NRG1: variants seen among roughly 807,000 people sequenced by gnomAD.
The protein encoded by NRG1 is neuregulin 1.
A neutral mutation model predicts 63.8 loss-of-function variants in NRG1; 18 were observed. The ratio of observed to expected loss-of-function variants is 0.28; its 90% CI spans 0.19 to 0.42. NRG1 has a LOEUF of 0.42. Among genes scored for constraint, NRG1 ranks in the 10% least tolerant of loss-of-function variants. The pLI, the probability that NRG1 is intolerant of heterozygous loss-of-function variation, is 1.00. For synonymous variants in NRG1, 302 were observed against 301.3 expected, an observed-to-expected ratio of 1.00 and a Z score of -0.02; for missense variants, 762 against 814.7, an observed-to-expected ratio of 0.94 and a Z score of 0.79.
chr8:31,893,860 C>T (rs963469540), intron 1 of NRG1, among the ~76,000 whole-genome samples: 13 of 151,982 alleles, frequency 8.6e-5, no homozygotes, highest in African/African-American at 1.2e-4. Context: ...ATCTTAAATA[C>T]TTATAAAAAT....
intron 1 of NRG1, among the ~76,000 whole-genome samples, chr8:32,387,055 T>G (rs1440011332): frequency 6.6e-6 from 1 of 152,200 alleles, no homozygotes; most frequent in Non-Finnish European, 1.5e-5. Context: ...AGAGATTCAC[T>G]AAAAGTTAGT....
intron 1 of NRG1, among the ~76,000 whole-genome samples, chr8:32,428,626 C>T (rs1480132456): frequency 6.6e-6 from 1 of 152,160 alleles, no homozygotes; most frequent in Non-Finnish European, 1.5e-5. Flanking sequence ...GCTGGTTGTC[C>T]TCCAGCAAAT....
At chr8:32,608,440 G>A (rs913639300) in intron 3 of NRG1, among the ~76,000 whole-genome samples, 2 of 152,030 alleles carry the variant, frequency 1.3e-5, no homozygotes, top group Non-Finnish European at 2.9e-5. Context: ...CTGAGTTCAA[G>A]AAGTCTACCC....
At position 32,575,531 on chromosome 8, in the gene NRG1, A is replaced by G. The variant is rs552559136; in HGVS notation, c.101-20297A>G. On this transcript the variant is annotated intron_variant, in intron 1 of 11. Coordinates refer to ENST00000356819, the Ensembl canonical transcript of NRG1. ...AAAAGTTGTATTTTAGGACTGCTCA[A>G]CTGCATGGATATTTATACTTTTTAA... 2.6e-5 allele frequency among the ~76,000 whole-genome samples: 4 copies of G among 152,210 alleles called. No individual in the cohort carries two copies. In the South Asian group the frequency reaches 8.3e-4, roughly 32 times the overall value.
At chr8:31,792,352 A>T (rs551263306) in intron 1 of NRG1, among the ~76,000 whole-genome samples, 1 of 152,332 alleles carries the variant, frequency 6.6e-6, no homozygotes, top group East Asian at 1.9e-4. Context: ...TGTTTTACAC[A>T]TGACAAAATA....
chr8:32,192,092 C>T (rs768432865), intron 1 of NRG1: 4 of 152,352 alleles, frequency 2.6e-5, no homozygotes, highest in Non-Finnish European at 5.9e-5. Flanking sequence ...CAAGTACTGA[C>T]CAGGCCTCAC....
intron 1 of NRG1, among the ~76,000 whole-genome samples, chr8:32,192,872 A>G (rs1842627453): frequency 6.6e-6 from 1 of 152,150 alleles, no homozygotes; most frequent in Admixed American, 6.6e-5. Context: ...ACACACTCCC[A>G]TACACACATC....
chr8:32,704,236 A>G (rs1291611516), intron 5 of NRG1, among the ~76,000 whole-genome samples: 1 of 152,212 alleles, frequency 6.6e-6, no homozygotes, highest in African/African-American at 2.4e-5. Context: ...TATTAAGTAA[A>G]AAGTGTGACC....
intron 1 of NRG1, among the ~76,000 whole-genome samples, chr8:32,374,485 A>C (rs1167028867): frequency 6.6e-6 from 1 of 152,198 alleles, no homozygotes; most frequent in Admixed American, 6.5e-5. Flanking sequence ...TCTGTGTCGC[A>C]CTCACTCTTG....
intron 1 of NRG1, among the ~76,000 whole-genome samples, chr8:32,202,027 AG>A (rs1843546549): frequency 6.6e-6 from 1 of 152,202 alleles, no homozygotes; most frequent in Non-Finnish European, 1.5e-5. Flanking sequence ...CATATTGATT[AG>A]CTCGTTGAGT....
intron 1 of NRG1, among the ~76,000 whole-genome samples, chr8:31,875,263 G>A (rs537255961): frequency 8.5e-5 from 13 of 152,218 alleles, no homozygotes; most frequent in African/African-American, 2.4e-4. Flanking sequence ...GCCTCAGCCC[G>A]GGCAACTGTA....
At chr8:31,986,572 T>A (rs1810106769) in intron 1 of NRG1, among the ~76,000 whole-genome samples, 1 of 152,142 alleles carries the variant, frequency 6.6e-6, no homozygotes. Flanking sequence ...TATTTCTTAG[T>A]TTCAGGGGTT....
At chr8:31,719,081 A>T (rs1261349250) in intron 1 of NRG1, among the ~76,000 whole-genome samples, 1 of 152,148 alleles carries the variant, frequency 6.6e-6, no homozygotes. Context: ...TCTCCAACTG[A>T]TCACCTGATT....
At chr8:32,267,161 AGG>A (rs1357088771) in intron 1 of NRG1, among the ~76,000 whole-genome samples, 2 of 147,898 alleles carry the variant, frequency 1.4e-5, no homozygotes, top group Non-Finnish European at 3.0e-5. Context: ...GAAAGAAGGA[AGG>A]AGAAAGAAGG....
At chr8:32,230,538 G>T (rs1157949728) in intron 1 of NRG1, among the ~76,000 whole-genome samples, 1 of 152,102 alleles carries the variant, frequency 6.6e-6, no homozygotes, top group East Asian at 1.9e-4. Context: ...AAAGTGGAAA[G>T]TGACTAAAAC....
At chr8:32,631,186 A>G (rs552359403) in intron 5 of NRG1, among the ~76,000 whole-genome samples, 77 of 152,202 alleles carry the variant, frequency 5.1e-4, no homozygotes, top group African/African-American at 1.8e-3. Flanking sequence ...AGAATGTATT[A>G]TTGTAATTAA....
chr8:31,805,816 G>A (rs10104926), intron 1 of NRG1, among the ~76,000 whole-genome samples: 106,059 of 141,204 alleles, frequency 0.75, 40,289 homozygotes, highest in East Asian at 0.99. Flanking sequence ...CAACCGAGCG[G>A]GACTCCGTCT....
At chr8:32,024,831 T>C (rs1816991156) in intron 1 of NRG1, among the ~76,000 whole-genome samples, 1 of 152,200 alleles carries the variant, frequency 6.6e-6, no homozygotes, top group Non-Finnish European at 1.5e-5. Context: ...CCCAAAAGTA[T>C]AGAGAAAATA....
In NRG1 at chr8:32,250,088, C is replaced by T. The variant is rs907163324; in HGVS notation, c.38-345740C>T. On this transcript the variant is annotated intron_variant, in intron 1 of 10. Coordinates refer to the NRG1 transcript ENST00000519301. ...CTTAATCATTACTCTTTTCCGGAAG[C>T]ACAGGGCTCAGGTAAGATTGAATAT... Among the ~76,000 whole-genome samples, 3 of 152,190 alleles carry T rather than the reference C, an allele frequency of 2.0e-5. No homozygotes were observed. In the East Asian group the frequency reaches 5.8e-4, roughly 29 times the overall value.
Sources: allele counts gnomAD v4.1 joint callset (sites outside exome capture counted in the v4.1 genomes callset), GRCh38; gene constraint gnomAD v4.1.1; transcripts MANE v1.5; gene names NCBI Gene and HGNC (gene_info 2026-07-23, HGNC 2026-07-21).